Variants in NPAS3 observed in about 807,000 individuals in gnomAD.
NPAS3 encodes the protein neuronal PAS domain protein 3, also known as neuronal PAS domain-containing protein 3.
In NPAS3, 14 loss-of-function variants were observed where a neutral mutation model predicts 73.1. The observed-to-expected ratio is 0.19, with a 90% confidence interval of 0.13 to 0.30. NPAS3 has a LOEUF of 0.30. NPAS3 is among the 10% of genes least tolerant of loss of function. The probability of loss-of-function intolerance (pLI) is 1.00; values close to 1 mark genes in which losing one functional copy is unlikely to be tolerated. For synonymous variants in NPAS3, 620 were observed against 541.5 expected (o/e 1.14, Z -2.01); for missense variants, 1,096 against 1,250.0 (o/e 0.88, Z 1.86).
intron 1 of NPAS3, among the ~76,000 whole-genome samples, chr14:32,940,109 C>A (rs1165394570): frequency 6.6e-6 from 1 of 152,216 alleles, no homozygotes; most frequent in Non-Finnish European, 1.5e-5. Context: ...TCCAAATAAG[C>A]AAACAAACAG....
intron 2 of NPAS3, among the ~76,000 whole-genome samples, chr14:33,116,146 C>G (rs2043058618): frequency 2.0e-5 from 3 of 152,100 alleles, no homozygotes; most frequent in Admixed American, 2.0e-4. Context: ...CAAAATGCCA[C>G]TCTTCTCAGT....
intron 5 of NPAS3, among the ~76,000 whole-genome samples, chr14:33,585,339 G>A (rs2056824929): frequency 6.6e-6 from 1 of 152,164 alleles, no homozygotes; most frequent in South Asian, 2.1e-4. Context: ...AGAACAATAT[G>A]ACTGGAATCT....
At chr14:33,131,623 T>C (rs1320448543) in intron 2 of NPAS3, among the ~76,000 whole-genome samples, 1 of 152,120 alleles carries the variant, frequency 6.6e-6, no homozygotes, top group Non-Finnish European at 1.5e-5. Context: ...CTAATAATCC[T>C]AGTAATTATA....
chr14:33,637,751 T>G (rs1227713507), intron 5 of NPAS3, among the ~76,000 whole-genome samples: 1 of 152,128 alleles, frequency 6.6e-6, no homozygotes, highest in Non-Finnish European at 1.5e-5. Flanking sequence ...GTCTCATTAT[T>G]AAGCACAAAA....
intron 3 of NPAS3, among the ~76,000 whole-genome samples, chr14:33,355,967 G>A (rs974725140): frequency 3.9e-5 from 6 of 152,184 alleles, no homozygotes; most frequent in African/African-American, 1.4e-4. Flanking sequence ...AGGCCCATTT[G>A]TCTGTCTCCT....
At chr14:33,750,649 T>A (rs1314450697) in intron 7 of NPAS3, among the ~76,000 whole-genome samples, 4 of 150,844 alleles carry the variant, frequency 2.7e-5, no homozygotes, top group African/African-American at 9.9e-5. Context: ...AACACCACCC[T>A]TTGTTCAAAG....
intron 2 of NPAS3, among the ~76,000 whole-genome samples, chr14:33,169,405 T>C (rs574491738): frequency 6.6e-6 from 1 of 152,178 alleles, no homozygotes; most frequent in Admixed American, 6.5e-5. Context: ...CCCTCTCTAC[T>C]AAAAATATGA....
chr14:33,719,388 A>G (rs1216761991), intron 6 of NPAS3, among the ~76,000 whole-genome samples: 1 of 152,176 alleles, frequency 6.6e-6, no homozygotes, highest in African/African-American at 2.4e-5. Context: ...AGCAATACCA[A>G]CTACAACCAT....
chr14:33,781,113 A>C (rs1486741791), intron 9 of NPAS3, among the ~76,000 whole-genome samples: 1 of 152,226 alleles, frequency 6.6e-6, no homozygotes, highest in Admixed American at 6.5e-5. Flanking sequence ...GTAGCACACA[A>C]TTAGTAAAAC....
chr14:32,938,821 G>A (rs2035820706), upstream of NPAS3, among the ~76,000 whole-genome samples: 2 of 146,580 alleles, frequency 1.4e-5, no homozygotes, highest in South Asian at 4.2e-4. Flanking sequence ...GCGGGACCGC[G>A]CGGCCGCCTC....
In NPAS3 at chr14:33,199,245, C is replaced by T. The variant is rs117703297; in HGVS notation, c.141-15937C>T. ...GCGTGGCCAGAGCAGACGCCCAGGCCGAGGAGGCACTGAGAGCAAGCGAGG... is the reference window on the plus strand; with the variant it reads ...GCGTGGCCAGAGCAGACGCCCAGGCTGAGGAGGCACTGAGAGCAAGCGAGG... On this transcript the variant is annotated intron_variant, in intron 2 of 11. Coordinates refer to ENST00000356141, the Ensembl canonical transcript of NPAS3. Among the ~76,000 whole-genome samples the T allele has an allele frequency of 1.0e-3, 158 of 152,254 alleles. 2 individuals carry two copies. In the East Asian group the frequency reaches 0.025, roughly 24 times the overall value.
At chr14:33,055,308 T>G (rs1480492831) in intron 1 of NPAS3, among the ~76,000 whole-genome samples, 1 of 152,218 alleles carries the variant, frequency 6.6e-6, no homozygotes, top group Non-Finnish European at 1.5e-5. Flanking sequence ...GCCACTGTAA[T>G]CAGTTCATCT....
rs533569475 is a variant in NPAS3 at position 33,209,545 on chromosome 14, T to A, written c.141-5637T>A. ...GACAAGTATGCAGGTGTTCAAAGGT[T>A]CATGAGTTAAAATGCTGAAGCCTTT... is the stretch of plus-strand genomic sequence containing the variant. On this transcript the variant is annotated intron_variant, in intron 2 of 11. Coordinates refer to ENST00000356141, the Ensembl canonical transcript of NPAS3. Among the ~76,000 whole-genome samples, 10 of 152,312 alleles carry A rather than the reference T, an allele frequency of 6.6e-5. No individual in the cohort carries two copies. In the South Asian group the frequency reaches 1.5e-3, roughly 22 times the overall value.
At chr14:33,452,795 A>AAAAAAAGGC (rs2049860177) in intron 4 of NPAS3, among the ~76,000 whole-genome samples, 1 of 147,906 alleles carries the variant, frequency 6.8e-6, no homozygotes, top group Non-Finnish European at 1.5e-5. Context: ...AAAAAAAAAA[A>AAAAAAAGGC]AAAAGGCAAG....
intron 4 of NPAS3, among the ~76,000 whole-genome samples, chr14:33,423,597 G>A (rs1236485596): frequency 1.3e-5 from 2 of 151,888 alleles, no homozygotes; most frequent in African/African-American, 4.8e-5. Context: ...TATTAAAAAG[G>A]AGACAAACGT....
At chr14:33,568,903 A>G (rs2056086834) in intron 5 of NPAS3, among the ~76,000 whole-genome samples, 1 of 152,212 alleles carries the variant, frequency 6.6e-6, no homozygotes, top group African/African-American at 2.4e-5. Flanking sequence ...ATGACAGTCC[A>G]AAGATATAAT....
At chr14:33,018,571 A>T (rs1025628044) in intron 1 of NPAS3, among the ~76,000 whole-genome samples, 1 of 152,220 alleles carries the variant, frequency 6.6e-6, no homozygotes, top group Non-Finnish European at 1.5e-5. Context: ...TCTAATGATG[A>T]GTGTTACTGG....
At chr14:32,980,335 T>C (rs2037846559) in intron 1 of NPAS3, among the ~76,000 whole-genome samples, 1 of 152,308 alleles carries the variant, frequency 6.6e-6, no homozygotes, top group African/African-American at 2.4e-5. Context: ...AAGGTTTGAC[T>C]TAGAAACCAT....
intron 3 of NPAS3, among the ~76,000 whole-genome samples, chr14:33,365,939 G>T (rs1042202284): frequency 1.3e-5 from 2 of 152,130 alleles, no homozygotes; most frequent in African/African-American, 4.8e-5. Flanking sequence ...AAGAAAGTAG[G>T]GGATTTTGAT....
Sources: gnomAD v4.1 joint callset for allele counts (sites outside exome capture counted in the v4.1 genomes callset) on GRCh38, gnomAD v4.1.1 for gene constraint, MANE v1.5 for transcripts, NCBI Gene and HGNC (gene_info 2026-07-23, HGNC 2026-07-21) for gene names.